Variants in THSD7B observed in about 807,000 individuals in gnomAD.
The protein encoded by THSD7B is thrombospondin type 1 domain containing 7B, also known as thrombospondin type-1 domain-containing protein 7B.
A neutral mutation model predicts 213.6 loss-of-function variants in THSD7B; 138 were observed. The observed-to-expected ratio is 0.65, with a 90% confidence interval of 0.56 to 0.74. The LOEUF is 0.74. Ranked by LOEUF, THSD7B falls within the 30% of genes least tolerant of loss-of-function variation. THSD7B has a pLI of 0.00. For synonymous variants in THSD7B, 742 were observed against 687.0 expected, an observed-to-expected ratio of 1.08 and a Z score of -1.25; for missense variants, 1,931 against 1,991.5, an observed-to-expected ratio of 0.97 and a Z score of 0.58.
At chr2:137,582,079 C>G (rs1395002486) in intron 17 of THSD7B, among the ~76,000 whole-genome samples, 2 of 151,680 alleles carry the variant, frequency 1.3e-5, no homozygotes, top group Non-Finnish European at 2.9e-5. Flanking sequence ...GCACTGCAGC[C>G]TGGATGACAG....
At chr2:137,150,253 A>G (rs930911353) in intron 5 of THSD7B, among the ~76,000 whole-genome samples, 7 of 151,492 alleles carry the variant, frequency 4.6e-5, no homozygotes, top group Admixed American at 1.3e-4. Flanking sequence ...AAAAAAAAAA[A>G]AAAAGAAAAA....
chr2:136,781,806 C>T (rs1176331341), intron 1 of THSD7B, among the ~76,000 whole-genome samples: 2 of 152,128 alleles, frequency 1.3e-5, no homozygotes, highest in Admixed American at 6.6e-5. Flanking sequence ...CTCCTGTCTC[C>T]GTGGCCATGG....
rs369288313 is a variant in THSD7B at position 137,426,533 on chromosome 2, G to C, written c.2959+14661G>C. ...AAGCTCAGAAATAAATGTTGCGCTA[G>C]TAATCTTTGACAAAGTTACCAAGAA... On this transcript the variant is annotated intron_variant, in intron 14 of 27. Coordinates refer to ENST00000409968, the MANE Select transcript of THSD7B (RefSeq NM_001316349.2). Among the ~76,000 whole-genome samples the C allele has an allele frequency of 3.5e-4, 54 of 152,186 alleles. 1 individual carries two copies. The South Asian group carries it at 8.3e-3, about 23-fold the overall frequency.
intron 15 of THSD7B, among the ~76,000 whole-genome samples, chr2:137,498,337 T>G (rs1573664121): frequency 4.2e-5 from 1 of 23,576 alleles, no homozygotes; most frequent in African/African-American, 7.3e-5. Flanking sequence ...AGTAAAGTCT[T>G]TTTTTTTTTT....
rs992887794 is a variant in THSD7B at position 137,572,270 on chromosome 2, T to A, written c.3273-136T>A. 8 of 1,063,874 alleles carry A rather than the reference T, an allele frequency of 7.5e-6. No individual in the cohort carries two copies. The African/African-American group carries it at 1.1e-4, about 15-fold the overall frequency. 65.9% of individuals were successfully genotyped at this position (1,063,874 alleles called of 1,614,324 possible). ...AGCCTGACTGACTAAAGGAGGAAAG[T>A]TTTGTTCCCCTTGGTTTCTGTGCTG... On this transcript the variant is annotated intron_variant, in intron 16 of 27. Transcript: ENST00000409968.
At chr2:137,476,746 G>A (rs1688202700) in intron 15 of THSD7B, among the ~76,000 whole-genome samples, 1 of 152,014 alleles carries the variant, frequency 6.6e-6, no homozygotes, top group Non-Finnish European at 1.5e-5. Flanking sequence ...TACCATGTTG[G>A]CCAGGCTGAT....
intron 20 of THSD7B, among the ~76,000 whole-genome samples, chr2:137,629,919 A>G (rs1682708403): frequency 6.6e-6 from 1 of 152,152 alleles, no homozygotes; most frequent in Non-Finnish European, 1.5e-5. Context: ...GTTCTATTTA[A>G]GGTCCCATGT....
chr2:136,954,743 A>C (rs1377132573), intron 2 of THSD7B, among the ~76,000 whole-genome samples: 3 of 150,140 alleles, frequency 2.0e-5, no homozygotes, highest in Non-Finnish European at 4.4e-5. Flanking sequence ...AAGAAATTAC[A>C]TAAGAGCTTT....
intron 4 of THSD7B, among the ~76,000 whole-genome samples, chr2:137,097,519 C>T (rs1223070011): frequency 6.6e-6 from 1 of 152,134 alleles, no homozygotes; most frequent in Non-Finnish European, 1.5e-5. Context: ...ATCACACTGA[C>T]TTTCATGATA....
At chr2:137,317,043 C>G (rs1023913060) in intron 12 of THSD7B, among the ~76,000 whole-genome samples, 2 of 152,136 alleles carry the variant, frequency 1.3e-5, no homozygotes, top group Admixed American at 1.3e-4. Flanking sequence ...CTTTTGTAAA[C>G]ATAATTCTTA....
At chr2:137,507,586 A>C (rs1237977273) in intron 15 of THSD7B, among the ~76,000 whole-genome samples, 1 of 152,234 alleles carries the variant, frequency 6.6e-6, no homozygotes. Context: ...ATAAATGGGA[A>C]TAAAGTTCCT....
chr2:137,427,086 C>A (rs1687077045), intron 14 of THSD7B, among the ~76,000 whole-genome samples: 1 of 151,850 alleles, frequency 6.6e-6, no homozygotes, highest in Non-Finnish European at 1.5e-5. Flanking sequence ...GAAATCTAAA[C>A]CACAATAAGA....
chr2:137,464,363 A>G (rs979667538), intron 15 of THSD7B, among the ~76,000 whole-genome samples: 2 of 152,072 alleles, frequency 1.3e-5, no homozygotes, highest in African/African-American at 2.4e-5. Context: ...AGTGCAGACA[A>G]CACCATTAGG....
At chr2:137,328,745 G>A (rs1684427166) in intron 12 of THSD7B, among the ~76,000 whole-genome samples, 3 of 152,208 alleles carry the variant, frequency 2.0e-5, no homozygotes, top group African/African-American at 7.2e-5. Context: ...TTGAATCATA[G>A]TGGCAGTTTC....
At chr2:137,404,537 T>C (rs554872435) in intron 12 of THSD7B, among the ~76,000 whole-genome samples, 3 of 128,994 alleles carry the variant, frequency 2.3e-5, no homozygotes, top group South Asian at 5.5e-4. Context: ...AATATATATA[T>C]ACACACATAC....
chr2:137,586,848 C>T lies in THSD7B; in HGVS notation c.3423+14292C>T, dbSNP rs190914448. Among the ~76,000 whole-genome samples the T allele has an allele frequency of 3.9e-3, 592 of 152,166 alleles. 4 individuals are homozygous for T. Among genetic ancestry groups the T allele is most frequent in the African/African-American group, 0.014 (567 of 41,512 alleles). ...CTCTCCTTGAGGAATATCTTTGTGG[C>T]GTTCTCTGTATTTCCTGAATTTGAA... is the stretch of plus-strand genomic sequence containing the variant. On this transcript the variant is annotated intron_variant, in intron 17 of 27. Coordinates refer to ENST00000409968, the MANE Select transcript of THSD7B (RefSeq NM_001316349.2).
intron 12 of THSD7B, among the ~76,000 whole-genome samples, chr2:137,342,295 T>C (rs1039965775): frequency 3.3e-5 from 5 of 151,700 alleles, no homozygotes; most frequent in South Asian, 2.1e-4. Context: ...GATTTTTTTT[T>C]CCCAGACAGT....
intron 15 of THSD7B, among the ~76,000 whole-genome samples, chr2:137,502,287 CAGAT>C (rs1309987830): frequency 1.1e-4 from 16 of 144,960 alleles, no homozygotes; most frequent in African/African-American, 4.0e-4. Flanking sequence ...TCCTTACTGA[CAGAT>C]AGATAAATAG....
At chr2:136,823,534 C>CTT (rs995630387) in intron 1 of THSD7B, among the ~76,000 whole-genome samples, 1 of 151,548 alleles carries the variant, frequency 6.6e-6, no homozygotes, top group Admixed American at 6.6e-5. Context: ...TACCCTTTAA[C>CTT]TTTTTTTTTC....
Sources: allele counts gnomAD v4.1 joint callset (sites outside exome capture counted in the v4.1 genomes callset), GRCh38; gene constraint gnomAD v4.1.1; transcripts MANE v1.5; gene names NCBI Gene and HGNC (gene_info 2026-07-23, HGNC 2026-07-21).